The following SLC24A2 variants were observed in gnomAD, a reference collection of about 807,000 sequenced individuals.
SLC24A2 encodes sodium/potassium/calcium exchanger 2.
SLC24A2 carries 36 observed loss-of-function variants against 62.0 expected under a neutral mutation model. The ratio of observed to expected loss-of-function variants is 0.58; its 90% CI spans 0.44 to 0.77. The LOEUF is 0.77. SLC24A2 is among the 30% of genes least tolerant of loss of function. The pLI is 0.00. For missense variants in SLC24A2, 846 were observed against 817.9 expected (o/e 1.03, Z -0.42); for synonymous variants, 358 against 294.0 (o/e 1.22, Z -2.23).
At chr9:20,090,073 T>G in the SLC24A2 span, among the ~76,000 whole-genome samples, 1 of 152,070 alleles carries the variant, frequency 6.6e-6, no homozygotes, top group Non-Finnish European at 1.5e-5. Flanking sequence ...AAGTGCCTTA[T>G]CCACACCTCC....
the SLC24A2 span, among the ~76,000 whole-genome samples, chr9:20,263,857 A>ACCC: frequency 1.6e-3 from 36 of 22,238 alleles, no homozygotes; most frequent in South Asian, 4.4e-3. Flanking sequence ...TGGATATCCC[A>ACCC]CCCGCCCCCC....
At chr9:19,979,256 T>C in the SLC24A2 span, among the ~76,000 whole-genome samples, 1 of 152,318 alleles carries the variant, frequency 6.6e-6, no homozygotes, top group East Asian at 1.9e-4. Flanking sequence ...ATGCAGGTTC[T>C]GGTTCAGTGT....
chr9:19,968,584 A>C, the SLC24A2 span, among the ~76,000 whole-genome samples: 1 of 152,172 alleles, frequency 6.6e-6, no homozygotes, highest in Non-Finnish European at 1.5e-5. Flanking sequence ...CAATTATGAA[A>C]CAAATATTTA....
intron 2 of SLC24A2, among the ~76,000 whole-genome samples, chr9:19,725,072 A>G (rs539206399): frequency 1.4e-4 from 22 of 152,278 alleles, no homozygotes; most frequent in Non-Finnish European, 2.4e-4. Flanking sequence ...AGTACTGTAC[A>G]TGCCAGTGGG....
upstream of SLC24A2, among the ~76,000 whole-genome samples, chr9:19,791,323 T>G (rs1178380233): frequency 6.6e-6 from 1 of 152,240 alleles, no homozygotes; most frequent in African/African-American, 2.4e-5. Flanking sequence ...AGGAAGGGAT[T>G]CTGTCAATGC....
At chr9:19,719,877 A>G (rs1482833102) in intron 2 of SLC24A2, among the ~76,000 whole-genome samples, 1 of 152,216 alleles carries the variant, frequency 6.6e-6, no homozygotes, top group Non-Finnish European at 1.5e-5. Context: ...ATCAATGCAC[A>G]CACAAAATAT....
At chr9:19,761,315 G>C (rs918728128) in intron 2 of SLC24A2, among the ~76,000 whole-genome samples, 2 of 152,006 alleles carry the variant, frequency 1.3e-5, no homozygotes, top group African/African-American at 2.4e-5. Context: ...ATCCTCTCTA[G>C]CATCTGTTGT....
At chr9:20,004,059 A>T in the SLC24A2 span, among the ~76,000 whole-genome samples, 1 of 152,150 alleles carries the variant, frequency 6.6e-6, no homozygotes, top group Non-Finnish European at 1.5e-5. Context: ...TTGCCCTGAG[A>T]GAGATTTTCT....
At chr9:19,993,783 C>T in the SLC24A2 span, among the ~76,000 whole-genome samples, 1 of 152,080 alleles carries the variant, frequency 6.6e-6, no homozygotes, top group Non-Finnish European at 1.5e-5. Flanking sequence ...GTTAGTCCCT[C>T]GAGAATATTA....
chr9:19,942,967 A>G, the SLC24A2 span, among the ~76,000 whole-genome samples: 5 of 152,206 alleles, frequency 3.3e-5, no homozygotes, highest in East Asian at 1.9e-4. Context: ...AGAAATCTCT[A>G]TCAGGGAGTG....
At chr9:19,900,900 A>T in the SLC24A2 span, among the ~76,000 whole-genome samples, 1 of 152,240 alleles carries the variant, frequency 6.6e-6, no homozygotes, top group Admixed American at 6.5e-5. Context: ...AGGCTCGTGG[A>T]AGTTCATGCC....
chr9:19,625,997 T>C (rs1818025474), intron 2 of SLC24A2, among the ~76,000 whole-genome samples: 1 of 152,148 alleles, frequency 6.6e-6, no homozygotes, highest in Admixed American at 6.5e-5. Flanking sequence ...GGAAATCCCA[T>C]TTCTTTATAG....
At chr9:20,205,895 G>A in the SLC24A2 span, among the ~76,000 whole-genome samples, 56 of 152,108 alleles carry the variant, frequency 3.7e-4, no homozygotes, top group South Asian at 6.2e-4. Context: ...TGATGAAGTC[G>A]ACAATGATAT....
At chr9:19,661,197 CT>C (rs368134064) in intron 2 of SLC24A2, among the ~76,000 whole-genome samples, 513 of 147,632 alleles carry the variant, frequency 3.5e-3, no homozygotes, top group Admixed American at 5.0e-3. Flanking sequence ...CTTAAATGAC[CT>C]TTTTTTTTTT....
the SLC24A2 span, among the ~76,000 whole-genome samples, chr9:19,861,095 G>C: frequency 3.3e-5 from 5 of 152,112 alleles, no homozygotes; most frequent in African/African-American, 1.2e-4. Context: ...ATACATAACT[G>C]GTAGCCAGGG....
At chr9:20,194,491 C>T in the SLC24A2 span, among the ~76,000 whole-genome samples, 1,823 of 152,134 alleles carry the variant, frequency 0.012, 40 homozygotes, top group African/African-American at 0.042. Flanking sequence ...AGGTTGGTTA[C>T]TTTTCTTTGA....
chr9:19,827,028 T>G, the SLC24A2 span, among the ~76,000 whole-genome samples: 3 of 152,164 alleles, frequency 2.0e-5, no homozygotes, highest in Non-Finnish European at 4.4e-5. Context: ...CTTTGCCAGG[T>G]AGGACAGACT....
the SLC24A2 span, among the ~76,000 whole-genome samples, chr9:19,820,042 C>CATATATATATGTGTAT: frequency 3.0e-4 from 10 of 32,860 alleles, no homozygotes; most frequent in Admixed American, 9.0e-4. Context: ...TATATATATA[C>CATATATATATGTGTAT]ATATATATAT....
chr9:19,706,851 A>G (rs1267115543), intron 2 of SLC24A2, among the ~76,000 whole-genome samples: 1 of 151,998 alleles, frequency 6.6e-6, no homozygotes, highest in Non-Finnish European at 1.5e-5. Context: ...AAGAACTAGA[A>G]AAGCAAGAGC....
Sources: gnomAD v4.1 joint callset for allele counts (sites outside exome capture counted in the v4.1 genomes callset) on GRCh38, gnomAD v4.1.1 for gene constraint, MANE v1.5 for transcripts, NCBI Gene and HGNC (gene_info 2026-07-23, HGNC 2026-07-21) for gene names.